CCDC81: variants seen among roughly 807,000 people sequenced by gnomAD.
CCDC81 encodes coiled-coil domain containing 81.
CCDC81 carries 79 observed loss-of-function variants against 83.7 expected under a neutral mutation model. The ratio of observed to expected loss-of-function variants is 0.94; its 90% CI spans 0.79 to 1.14. The LOEUF (loss-of-function observed/expected upper bound fraction) is 1.14, where lower values mean the gene tolerates loss of function less well. Ranked by LOEUF, CCDC81 falls within the 50% of genes most tolerant of loss-of-function variation. CCDC81 has a pLI of 0.00. For missense variants in CCDC81, 791 were observed against 778.1 expected (o/e 1.02, Z -0.20); for synonymous variants, 252 against 278.1 (o/e 0.91, Z 0.93).
chr11:86,421,163 G>A (rs1168483421), intron 14 of CCDC81, among the ~76,000 whole-genome samples: 1 of 152,108 alleles, frequency 6.6e-6, no homozygotes, highest in African/African-American at 2.4e-5. Flanking sequence ...GAATTGGTTG[G>A]CACAAAAAGA....
chr11:86,407,553 T>C (rs1233588661), intron 7 of CCDC81, 61 bp from the exon 8 acceptor site: 2 of 1,131,618 alleles, frequency 1.8e-6, no homozygotes, highest in Non-Finnish European at 2.6e-6. Flanking sequence ...CCTCTAAAAT[T>C]ATTATTGCCC....
At chr11:86,375,341 C>A in intron 1 of CCDC81, 99 bp downstream of exon 1, 5 of 1,081,484 alleles carry the variant, frequency 4.6e-6, no homozygotes, top group East Asian at 2.4e-5. Context: ...CTGGCTCAGG[C>A]CTGGCCTGCC....
intron 1 of CCDC81, among the ~76,000 whole-genome samples, chr11:86,379,638 T>G (rs556890338): frequency 6.6e-6 from 1 of 152,174 alleles, no homozygotes; most frequent in Non-Finnish European, 1.5e-5. Flanking sequence ...TTGAATACAT[T>G]ATTGCTATTA....
At position 86,392,643 on chromosome 11, in the gene CCDC81, T is replaced by A. The variant is rs914954561; in HGVS notation, c.401T>A (p.Leu134Ter). 1.3e-6 allele frequency: 2 copies of A among 1,551,678 alleles called. No individual in the cohort carries two copies. Among genetic ancestry groups the A allele is most frequent in the Non-Finnish European group, 1.7e-6 (2 of 1,146,962 alleles). Reference sequence around the variant, plus strand: ...TGTGTGAAGGAGACGTTGCTTTTTTTATCGCGTTCCATTTCCATGAAACAA... The same window carrying A: ...TGTGTGAAGGAGACGTTGCTTTTTTAATCGCGTTCCATTTCCATGAAACAA... ...EGCVKETLLF[L>*]SRSISMKQNV... Residue 134 changes from leucine to a stop codon, truncating the protein, a stop_gained, in exon 4 of 15, where the codon TTA (leucine) becomes TAA (stop). Coordinates refer to ENST00000445632, the MANE Select transcript of CCDC81 (RefSeq NM_001156474.2). LOFTEE classifies it high-confidence loss of function.
chr11:86,395,220 AAAC>A (rs1948388096), intron 4 of CCDC81, 111 bp from the exon 5 acceptor site: 6 of 743,154 alleles, frequency 8.1e-6, no homozygotes, highest in Non-Finnish European at 1.3e-5. Context: ...CGCTTAACAT[AAAC>A]AACAACAAGA....
At position 86,387,547 on chromosome 11, in the gene CCDC81, C is replaced by T. The variant is rs756799224; in HGVS notation, c.173C>T (p.Thr58Ile). The T allele has an allele frequency of 6.2e-7, 1 of 1,613,946 alleles. No individual in the cohort carries two copies. The highest frequency in any genetic ancestry group is 1.3e-5 in the African/African-American group (1 of 75,022). The change falls in exon 3 of 15, where the codon ACT becomes ATT. Residue 58 changes from threonine to isoleucine, a missense_variant. By Grantham distance (89) the Thr-to-Ile change is moderately conservative. Coordinates refer to ENST00000445632, the MANE Select transcript of CCDC81 (RefSeq NM_001156474.2). ...GVQIPAFGTF[T>I]FIRQKLEVGN... The stretch of plus-strand genomic sequence containing the variant: ...CAGATTCCAGCATTTGGAACTTTCA[C>T]TTTCATAAGACAAAAGCTTGAGGTG...
At chr11:86,391,907 G>C (rs1162614324) in intron 3 of CCDC81, among the ~76,000 whole-genome samples, 1 of 152,194 alleles carries the variant, frequency 6.6e-6, no homozygotes, top group African/African-American at 2.4e-5. Flanking sequence ...AGGTGCAGGG[G>C]AAGCAGTCAT....
Position 86,381,983 on chromosome 11 carries a change from A to G in CCDC81, c.80-4068A>G, listed in dbSNP as rs1451082531. ...AGGGGCAAAAACTTATGGTGAGAGT[A>G]TGATGTGATGGAGCAACTGAAAGAC... On this transcript the variant is annotated intron_variant, in intron 1 of 14. Coordinates refer to ENST00000445632, the MANE Select transcript of CCDC81 (RefSeq NM_001156474.2). 2.6e-5 allele frequency among the ~76,000 whole-genome samples: 4 copies of G among 152,148 alleles called. No individual in the cohort carries two copies. In the East Asian group the frequency reaches 7.7e-4, roughly 29 times the overall value.
At chr11:86,419,170 GT>G (rs1368674132) in intron 13 of CCDC81, 1 of 152,212 alleles carries the variant, frequency 6.6e-6, no homozygotes, top group Non-Finnish European at 1.5e-5. Flanking sequence ...TACATCAACA[GT>G]TACATTTTGT....
At chr11:86,410,920 T>A (rs1948633871) in intron 10 of CCDC81, among the ~76,000 whole-genome samples, 1 of 152,234 alleles carries the variant, frequency 6.6e-6, no homozygotes. Context: ...TCATCTTTAA[T>A]GTTGCCACAC....
chr11:86,389,233 T>G (rs866188974), intron 3 of CCDC81, among the ~76,000 whole-genome samples: 123 of 151,120 alleles, frequency 8.1e-4, no homozygotes, highest in African/African-American at 2.9e-3. Flanking sequence ...AGTTGAAGGC[T>G]GCAAAATAAT....
At chr11:86,394,131 A>C (rs1227008242) in intron 4 of CCDC81, among the ~76,000 whole-genome samples, 1 of 152,224 alleles carries the variant, frequency 6.6e-6, no homozygotes, top group African/African-American at 2.4e-5. Flanking sequence ...ACAAGGCAAG[A>C]TTTGCAAGTC....
chr11:86,409,131 C>T (rs1407306513), intron 9 of CCDC81, 130 bp from the exon 10 acceptor site: 10 of 453,274 alleles, frequency 2.2e-5, no homozygotes, highest in African/African-American at 4.1e-5. Context: ...GAAAGTACCA[C>T]TGCCTCCAAA....
Position 86,420,063 on chromosome 11 carries a change from G to C in CCDC81, c.1817+10G>C. ...ACAAGGCTTTTGAACGGTAATGCCTGATTGGAACCCCAAAATTCTCCTGCT... is the reference window on the plus strand; with the variant it reads ...ACAAGGCTTTTGAACGGTAATGCCTCATTGGAACCCCAAAATTCTCCTGCT... On this transcript the variant is annotated intron_variant, in intron 14 of 14. Coordinates refer to ENST00000445632, the MANE Select transcript of CCDC81 (RefSeq NM_001156474.2). The C allele has an allele frequency of 6.2e-7, 1 of 1,607,052 alleles. No homozygotes were observed. Among genetic ancestry groups the C allele is most frequent in the Middle Eastern group, 1.7e-4 (1 of 5,912 alleles).
At chr11:86,416,121 T>G (rs961391933) in intron 13 of CCDC81, among the ~76,000 whole-genome samples, 3 of 152,252 alleles carry the variant, frequency 2.0e-5, no homozygotes, top group African/African-American at 7.2e-5. Context: ...AAGGGTATAA[T>G]GTATCAATCC....
At chr11:86,408,543 A>G (rs1948594287) in intron 9 of CCDC81, among the ~76,000 whole-genome samples, 2 of 152,146 alleles carry the variant, frequency 1.3e-5, no homozygotes, top group Admixed American at 1.3e-4. Flanking sequence ...CATGTTGCCC[A>G]GGGTGGTCTC....
chr11:86,398,091 A>G (rs1226844106), intron 6 of CCDC81, among the ~76,000 whole-genome samples: 3 of 152,096 alleles, frequency 2.0e-5, no homozygotes, highest in Non-Finnish European at 2.9e-5. Context: ...CACCTAGGCC[A>G]TCCAAAGTGC....
rs764358656 is a variant in CCDC81 at position 86,409,300 on chromosome 11, G to T, written c.1153G>T (p.Ala385Ser). 1 of 1,534,208 alleles carries T rather than the reference G, an allele frequency of 6.5e-7. No homozygotes were observed. The highest frequency in any genetic ancestry group is 2.5e-5 in the East Asian group (1 of 40,558). The change falls in exon 10 of 15, where the codon GCT (alanine) becomes TCT (serine). Residue 385 changes from alanine (A) to serine (S), a missense_variant. Ala to Ser is a moderately conservative substitution (Grantham distance 99). Transcript: ENST00000445632. ...LATREQNQKN[A>S]AYNLGVAEAI... ...TACTAGAGAACAGAATCAGAAAAATGCTGCCTATAATCTTGGAGTTGCTGA... is the reference window on the plus strand; with the variant it reads ...TACTAGAGAACAGAATCAGAAAAATTCTGCCTATAATCTTGGAGTTGCTGA...
intron 7 of CCDC81, among the ~76,000 whole-genome samples, chr11:86,401,024 G>A (rs1275825725): frequency 1.3e-5 from 2 of 152,144 alleles, no homozygotes; most frequent in African/African-American, 2.4e-5. Context: ...TGGAATAGAT[G>A]TTATGACACA....
Sources: allele counts gnomAD v4.1 joint callset (sites outside exome capture counted in the v4.1 genomes callset), GRCh38; gene constraint gnomAD v4.1.1; transcripts MANE v1.5; gene names NCBI Gene and HGNC (gene_info 2026-07-23, HGNC 2026-07-21).